COL24A1: variants seen among roughly 807,000 people sequenced by gnomAD.
The protein encoded by COL24A1 is collagen alpha-1(XXIV) chain.
Under a neutral mutation model 253.9 loss-of-function variants are expected in COL24A1, and 224 were observed. The ratio of observed to expected loss-of-function variants is 0.88; its 90% confidence interval spans 0.79 to 0.99. The LOEUF (loss-of-function observed/expected upper bound fraction) is 0.99. COL24A1 is among the 50% of genes least tolerant of loss of function. The pLI is 0.00. For synonymous variants in COL24A1, 685 were observed against 673.7 expected (o/e 1.02, Z -0.26); for missense variants, 2,131 against 2,068.5 (o/e 1.03, Z -0.59).
chr1:85,804,281 A>G (rs1021530378), intron 47 of COL24A1, among the ~76,000 whole-genome samples: 10 of 152,232 alleles, frequency 6.6e-5, no homozygotes, highest in African/African-American at 2.4e-4. Flanking sequence ...AGATACAGGT[A>G]GTGATACGTT....
At chr1:86,015,574 G>C (rs1405384094) in intron 19 of COL24A1, among the ~76,000 whole-genome samples, 1 of 152,120 alleles carries the variant, frequency 6.6e-6, no homozygotes, top group Admixed American at 6.5e-5. Flanking sequence ...CATATCACCT[G>C]TAACTGCAGT....
chr1:86,057,957 C>T lies in COL24A1; in HGVS notation c.1825G>A (p.Gly609Ser), dbSNP rs1240943885. ...TGTGCACCTTTAGGACCTGGATTACCTTCTGGTCCAGCTAAACCCTGGTGT... is the reference window on the plus strand; with the variant it reads ...TGTGCACCTTTAGGACCTGGATTACTTTCTGGTCCAGCTAAACCCTGGTGT... The part of the protein sequence containing the change: ...PGRQGLAGPE[G>S]NPGPKGAQGF... Residue 609 changes from glycine (G) to serine (S), a missense_variant, in exon 10 of 60, where the codon GGT (glycine) becomes AGT (serine). Transcript: ENST00000370571. The T allele has an allele frequency of 6.2e-7, 1 of 1,613,000 alleles. No homozygotes were observed.
intron 47 of COL24A1, among the ~76,000 whole-genome samples, chr1:85,798,361 G>A (rs1671045587): frequency 6.6e-6 from 1 of 151,840 alleles, no homozygotes; most frequent in Admixed American, 6.6e-5. Context: ...TAGAAAATGG[G>A]CCAAAACAAG....
chr1:86,146,839 A>G (rs1651952899), intron 1 of COL24A1, among the ~76,000 whole-genome samples: 1 of 152,116 alleles, frequency 6.6e-6, no homozygotes, highest in Admixed American at 6.5e-5. Context: ...AATGTCCATT[A>G]GTATTGATAA....
intron 52 of COL24A1, among the ~76,000 whole-genome samples, chr1:85,780,644 C>T (rs1669049522): frequency 6.6e-6 from 1 of 152,142 alleles, no homozygotes; most frequent in Non-Finnish European, 1.5e-5. Flanking sequence ...CATCTGTCTC[C>T]TCATCTGTTA....
chr1:85,991,636 A>C (rs1694285138), intron 19 of COL24A1, among the ~76,000 whole-genome samples: 1 of 152,246 alleles, frequency 6.6e-6, no homozygotes, highest in East Asian at 1.9e-4. Flanking sequence ...TGCTGGGGTG[A>C]CTTCTGGGTA....
intron 22 of COL24A1, among the ~76,000 whole-genome samples, chr1:85,968,256 T>G (rs987385338): frequency 1.3e-5 from 2 of 152,164 alleles, no homozygotes; most frequent in Admixed American, 6.5e-5. Flanking sequence ...GAACCTAGAC[T>G]AATACAAGTG....
intron 34 of COL24A1, 66 bp downstream of exon 34, chr1:85,875,211 G>T: frequency 7.3e-7 from 1 of 1,368,898 alleles, no homozygotes; most frequent in South Asian, 1.2e-5. Flanking sequence ...GGGATTCAAT[G>T]GTAGCAAATG....
In COL24A1 at chr1:86,040,896, G is replaced by A. The variant is rs76890661; in HGVS notation, c.1950+5929C>T. Among the ~76,000 whole-genome samples the A allele has an allele frequency of 2.4e-3, 372 of 152,136 alleles. 10 individuals carry two copies. In the East Asian group the frequency reaches 0.046, roughly 19 times the overall value. On this transcript the variant is annotated intron_variant, in intron 12 of 59. Coordinates refer to ENST00000370571, the MANE Select transcript of COL24A1 (RefSeq NM_152890.7). The stretch of plus-strand genomic sequence containing the variant: ...AAAACAAAACAAAATAAAAAACACT[G>A]TCTCTAAATTCTCCACAAAATGTAT...
intron 14 of COL24A1, among the ~76,000 whole-genome samples, chr1:86,025,932 C>T (rs190718446): frequency 6.6e-6 from 1 of 152,266 alleles, no homozygotes; most frequent in Admixed American, 6.5e-5. Flanking sequence ...CTTTGTGAAG[C>T]CTACTCTGAC....
intron 58 of COL24A1, among the ~76,000 whole-genome samples, chr1:85,736,930 T>C (rs1664118462): frequency 1.3e-5 from 2 of 152,170 alleles, no homozygotes; most frequent in African/African-American, 4.8e-5. Flanking sequence ...AAAGAAGTTT[T>C]TAGTAGTATT....
At chr1:85,850,798 T>C (rs374905700) in intron 37 of COL24A1, among the ~76,000 whole-genome samples, 7 of 152,216 alleles carry the variant, frequency 4.6e-5, no homozygotes, top group African/African-American at 9.6e-5. Context: ...AGAGAATGCA[T>C]GTAAACTTTA....
chr1:85,909,139 CA>C (rs1478597176), intron 26 of COL24A1, among the ~76,000 whole-genome samples: 1 of 151,596 alleles, frequency 6.6e-6, no homozygotes, highest in Non-Finnish European at 1.5e-5. Context: ...AACACTGATT[CA>C]AAAAATGCGT....
At chr1:85,821,742 A>G (rs1673645353) in intron 45 of COL24A1, among the ~76,000 whole-genome samples, 1 of 152,202 alleles carries the variant, frequency 6.6e-6, no homozygotes, top group South Asian at 2.1e-4. Flanking sequence ...AGCACCTTTT[A>G]GCTCCAACAC....
chr1:85,845,333 A>T (rs1408436286), intron 39 of COL24A1, among the ~76,000 whole-genome samples: 2 of 151,854 alleles, frequency 1.3e-5, no homozygotes, highest in African/African-American at 2.4e-5. Flanking sequence ...GGGATTATCT[A>T]AAAAAATGTT....
chr1:85,909,433 T>C (rs1481201), intron 26 of COL24A1, among the ~76,000 whole-genome samples: 102,756 of 151,462 alleles, frequency 0.68, 35,125 homozygotes, highest in East Asian at 0.79. Context: ...TAAAAAGATG[T>C]AACCCAAATA....
chr1:85,992,405 A>G (rs1402918353), intron 19 of COL24A1, among the ~76,000 whole-genome samples: 1 of 152,180 alleles, frequency 6.6e-6, no homozygotes, highest in Non-Finnish European at 1.5e-5. Flanking sequence ...TCATACCTAG[A>G]TTACTACCAA....
At chr1:85,920,510 A>C (rs1686344667) in intron 24 of COL24A1, among the ~76,000 whole-genome samples, 1 of 152,234 alleles carries the variant, frequency 6.6e-6, no homozygotes, top group East Asian at 1.9e-4. Flanking sequence ...TATCTGCAGA[A>C]GAGTGTGTGC....
At chr1:86,006,187 A>C (rs769152224) in intron 19 of COL24A1, among the ~76,000 whole-genome samples, 4 of 152,184 alleles carry the variant, frequency 2.6e-5, no homozygotes, top group Non-Finnish European at 4.4e-5. Context: ...AGAGAGGCAA[A>C]AGACCCAAAA....
Sources: gnomAD v4.1 joint callset for allele counts (sites outside exome capture counted in the v4.1 genomes callset) on GRCh38, gnomAD v4.1.1 for gene constraint, MANE v1.5 for transcripts, NCBI Gene and HGNC (gene_info 2026-07-23, HGNC 2026-07-21) for gene names.